Variants in SYNE1 observed in about 807,000 individuals in gnomAD.
SYNE1 encodes the protein spectrin repeat containing nuclear envelope protein 1, also known as nesprin-1.
Under a neutral mutation model 1,111.0 loss-of-function variants are expected in SYNE1, and 616 were observed. The observed-to-expected ratio is 0.55, with a 90% CI of 0.52 to 0.59. The LOEUF is 0.59. SYNE1 is among the 20% of genes least tolerant of loss of function. The pLI, the probability that SYNE1 is intolerant of heterozygous loss-of-function variation, is 0.00. For missense variants in SYNE1, 10,006 were observed against 10,417.0 expected, an observed-to-expected ratio of 0.96 and a Z score of 1.72; for synonymous variants, 3,855 against 3,825.8, an observed-to-expected ratio of 1.01 and a Z score of -0.28.
rs2097589382 is a variant in SYNE1 at position 152,390,335 on chromosome 6, C to G, written c.8122G>C (p.Glu2708Gln). ...EGQRVIQTQL[E>Q]TLKEVWADIM... ...TCAGCCCACACTTCTTTAAGGGTCT[C>G]TAACTGAGTCTGAATCACCCTCTGA... Residue 2708 changes from glutamate (E) to glutamine (Q), a missense_variant, in exon 53 of 146, where the codon GAG (glutamate) becomes CAG (glutamine). Glu to Gln is a conservative substitution (Grantham distance 29). Around this residue, in one of 7 missense-constraint regions of SYNE1, gnomAD observed 4,955 missense variants for 5,017.2 expected, o/e 0.99. Transcript: ENST00000367255. 2.5e-6 allele frequency: 4 copies of G among 1,614,132 alleles called. No individual in the cohort carries two copies. The highest frequency in any genetic ancestry group is 3.4e-6 in the Non-Finnish European group (4 of 1,180,008).
intron 3 of SYNE1, among the ~76,000 whole-genome samples, chr6:152,605,562 C>A (rs907614875): frequency 1.3e-5 from 2 of 152,022 alleles, no homozygotes; most frequent in African/African-American, 4.8e-5. Flanking sequence ...GTAAAGCGAC[C>A]CTGCCAAGAA....
intron 3 of SYNE1, among the ~76,000 whole-genome samples, chr6:152,567,041 T>C (rs913486839): frequency 1.3e-5 from 2 of 151,538 alleles, no homozygotes; most frequent in Non-Finnish European, 2.9e-5. Context: ...GTGTGGCAAC[T>C]GTATACCCTT....
intron 21 of SYNE1, 123 bp downstream of exon 21, chr6:152,461,474 C>T: frequency 2.4e-6 from 3 of 1,238,584 alleles, no homozygotes; most frequent in East Asian, 2.4e-5. Context: ...TTGAGAATCC[C>T]AATTAGAAAC....
intron 70 of SYNE1, among the ~76,000 whole-genome samples, chr6:152,351,116 T>C (rs1014489274): frequency 2.0e-5 from 3 of 152,236 alleles, no homozygotes; most frequent in Non-Finnish European, 4.4e-5. Flanking sequence ...TATCTTTTGA[T>C]TTTGAGTTCA....
At chr6:152,494,273 T>C (rs776852390) in intron 11 of SYNE1, among the ~76,000 whole-genome samples, 1 of 152,208 alleles carries the variant, frequency 6.6e-6, no homozygotes, top group African/African-American at 2.4e-5. Context: ...TCAACTGTAC[T>C]CACTATTTGT....
chr6:152,295,853 T>A (rs553494735), intron 93 of SYNE1, among the ~76,000 whole-genome samples: 1 of 152,248 alleles, frequency 6.6e-6, no homozygotes, highest in Admixed American at 6.5e-5. Flanking sequence ...TCTGGCTTTG[T>A]TGACTTTCTC....
At chr6:152,456,116 A>G (rs1478773804) in intron 22 of SYNE1, 72 bp from the exon 23 acceptor site, 1 of 1,506,708 alleles carries the variant, frequency 6.6e-7, no homozygotes, top group East Asian at 2.3e-5. Context: ...GAGAGTGACC[A>G]TTACAGATAA....
Position 152,441,172 on chromosome 6 carries a change from A to G in SYNE1, c.4107T>C (p.Phe1369=), listed in dbSNP as rs149109801. 3.7e-6 allele frequency: 6 copies of G among 1,613,630 alleles called. No homozygotes were observed. In the Admixed American group the frequency reaches 8.3e-5, roughly 22 times the overall value. ...CTGAAGATAAACTTTCCAAACTGCTAAAACTCAAGAAGCGTTCATGACTGG... is the reference window on the plus strand; with the variant it reads ...CTGAAGATAAACTTTCCAAACTGCTGAAACTCAAGAAGCGTTCATGACTGG... ...TGSSHERFLS[F]SSLESLSSEL... The change falls in exon 32 of 146, where the codon TTT becomes TTC. Residue 1369 remains phenylalanine (F), a synonymous_variant. Coordinates refer to ENST00000367255, the MANE Select transcript of SYNE1 (RefSeq NM_182961.4).
intron 76 of SYNE1, chr6:152,336,558 G>T (rs1590366531): frequency 2.1e-6 from 1 of 476,022 alleles, no homozygotes; most frequent in East Asian, 4.3e-5. Flanking sequence ...TCACAGTAGG[G>T]TTTGCACTCC....
intron 3 of SYNE1, among the ~76,000 whole-genome samples, chr6:152,552,809 A>G (rs1315851049): frequency 6.6e-6 from 1 of 152,130 alleles, no homozygotes; most frequent in East Asian, 1.9e-4. Flanking sequence ...CCGCTGCTTC[A>G]GATCTAGCGT....
chr6:152,425,303 A>C, intron 39 of SYNE1, 78 bp downstream of exon 39: 1 of 1,494,060 alleles, frequency 6.7e-7, no homozygotes. Flanking sequence ...AGTAAACAAA[A>C]CTATGCTTTC....
intron 107 of SYNE1, among the ~76,000 whole-genome samples, chr6:152,240,825 C>T (rs376498367): frequency 1.1e-4 from 16 of 152,314 alleles, no homozygotes; most frequent in East Asian, 7.7e-4. Flanking sequence ...GGGTTCAAAC[C>T]CAAGGGCAGT....
intron 95 of SYNE1, 148 bp from the exon 96 acceptor site, chr6:152,284,320 C>T: frequency 1.2e-6 from 1 of 838,054 alleles, no homozygotes; most frequent in South Asian, 1.5e-5. Flanking sequence ...AGCCTACTCA[C>T]CTACATTTCT....
intron 54 of SYNE1, among the ~76,000 whole-genome samples, chr6:152,386,465 C>T (rs1180255651): frequency 6.6e-6 from 1 of 152,016 alleles, no homozygotes; most frequent in Non-Finnish European, 1.5e-5. Flanking sequence ...AGAGTCAGTT[C>T]CCAAGAAGGC....
chr6:152,379,823 C>T (rs760226611), intron 56 of SYNE1, among the ~76,000 whole-genome samples: 10 of 151,940 alleles, frequency 6.6e-5, no homozygotes, highest in South Asian at 4.1e-4. Flanking sequence ...ATAATATCAA[C>T]GTAAAAATAA....
At chr6:152,297,907 G>A (rs114740615) in intron 93 of SYNE1, among the ~76,000 whole-genome samples, 2,160 of 151,176 alleles carry the variant, frequency 0.014, 45 homozygotes, top group African/African-American at 0.05. Flanking sequence ...ACCTTTTATA[G>A]ATGAATAATT....
intron 99 of SYNE1, among the ~76,000 whole-genome samples, chr6:152,268,397 A>AAC (rs997890157): frequency 2.6e-5 from 4 of 151,632 alleles, no homozygotes. Context: ...TTAAAAAAAA[A>AAC]AAAAAAACCA....
intron 46 of SYNE1, among the ~76,000 whole-genome samples, chr6:152,403,670 C>T (rs1467465618): frequency 2.0e-5 from 3 of 152,074 alleles, no homozygotes; most frequent in Middle Eastern, 3.4e-3. Context: ...TGCAGTAAGC[C>T]GAGATTGCAC....
At chr6:152,448,346 C>T (rs933528870) in intron 28 of SYNE1, among the ~76,000 whole-genome samples, 3 of 152,314 alleles carry the variant, frequency 2.0e-5, no homozygotes, top group Non-Finnish European at 4.4e-5. Context: ...GGTCCCCAAC[C>T]AGGGCCACTC....
Sources: allele counts gnomAD v4.1 joint callset (sites outside exome capture counted in the v4.1 genomes callset), GRCh38; gene constraint gnomAD v4.1.1; regional missense constraint gnomAD v4.1.1; transcripts MANE v1.5; gene names NCBI Gene and HGNC (gene_info 2026-07-23, HGNC 2026-07-21).